CLVS1: variants seen among roughly 807,000 people sequenced by gnomAD.
CLVS1 encodes clavesin 1, also known as clavesin-1.
In CLVS1, 10 loss-of-function variants were observed where a neutral mutation model predicts 33.1. That is an observed-to-expected ratio of 0.30 (90% CI 0.19 to 0.51). The LOEUF (loss-of-function observed/expected upper bound fraction) is 0.51, where lower values mean the gene tolerates loss of function less well. Among genes scored for constraint, CLVS1 ranks in the 20% least tolerant of loss-of-function variants. The pLI is 0.97. For missense variants in CLVS1, 343 were observed against 433.4 expected (o/e 0.79, Z 1.85); for synonymous variants, 163 against 166.1 (o/e 0.98, Z 0.14).
the CLVS1 span, among the ~76,000 whole-genome samples, chr8:61,047,807 G>A: frequency 1.3e-4 from 20 of 152,230 alleles, no homozygotes; most frequent in South Asian, 1.9e-3. Context: ...TGCGGGGAGC[G>A]GGGAGGGATA....
At chr8:61,373,852 T>C (rs531153354) in intron 2 of CLVS1, among the ~76,000 whole-genome samples, 2 of 152,350 alleles carry the variant, frequency 1.3e-5, no homozygotes, top group East Asian at 3.9e-4. Context: ...GCAGTTTATC[T>C]AGGCTGGGTT....
chr8:61,344,573 A>T (rs970252971), intron 2 of CLVS1, among the ~76,000 whole-genome samples: 2 of 152,198 alleles, frequency 1.3e-5, no homozygotes, highest in Non-Finnish European at 2.9e-5. Context: ...ATGACTCTTT[A>T]GCAATCTGCT....
chr8:61,498,578 T>A (rs1804350058), intron 5 of CLVS1, among the ~76,000 whole-genome samples: 1 of 152,226 alleles, frequency 6.6e-6, no homozygotes, highest in Non-Finnish European at 1.5e-5. Context: ...TATTATAAAC[T>A]TCTTAGAAAA....
At chr8:61,130,391 C>T (rs567726753) in intron 1 of CLVS1, among the ~76,000 whole-genome samples, 15 of 152,116 alleles carry the variant, frequency 9.9e-5, no homozygotes, top group Non-Finnish European at 1.9e-4. Context: ...GTGCATACCA[C>T]ATTGACCCAA....
At chr8:60,997,686 C>T in the CLVS1 span, among the ~76,000 whole-genome samples, 24,791 of 152,034 alleles carry the variant, frequency 0.16, 2,275 homozygotes, top group African/African-American at 0.24. Flanking sequence ...TGGTGATGAA[C>T]GAAGCCAGCC....
At chr8:61,197,674 C>A (rs554019793) in intron 2 of CLVS1, among the ~76,000 whole-genome samples, 44 of 152,298 alleles carry the variant, frequency 2.9e-4, no homozygotes, top group Admixed American at 1.4e-3. Context: ...CGCCTGCCCC[C>A]ACACCCCGCT....
rs76457272 is a variant in CLVS1, at chr8:61,234,258, C to T, written c.-151-65419C>T. On this transcript the variant is annotated intron_variant, in intron 2 of 2. Coordinates refer to the CLVS1 transcript ENST00000522621. ...GTCCTTGGCTTGGCTGGACTGTGTGCGTGCGTATTCATGTGAGAGAAACAG... is the reference window on the plus strand; with the variant it reads ...GTCCTTGGCTTGGCTGGACTGTGTGTGTGCGTATTCATGTGAGAGAAACAG... 0.013 allele frequency among the ~76,000 whole-genome samples: 2,029 copies of T among 152,186 alleles called. 88 individuals carry two copies. The East Asian group carries it at 0.15, about 12-fold the overall frequency.
At chr8:61,341,203 AAATG>A (rs1812018076) in intron 2 of CLVS1, among the ~76,000 whole-genome samples, 1 of 152,238 alleles carries the variant, frequency 6.6e-6, no homozygotes. Flanking sequence ...CACCACAACA[AAATG>A]AATCCTGTTT....
At chr8:61,219,719 G>C (rs1040939429) in intron 2 of CLVS1, among the ~76,000 whole-genome samples, 5 of 152,136 alleles carry the variant, frequency 3.3e-5, no homozygotes, top group Middle Eastern at 3.2e-3. Context: ...TTGAGGAATT[G>C]TCATACTGTC....
At chr8:61,207,757 G>A (rs1473110015) in intron 2 of CLVS1, among the ~76,000 whole-genome samples, 3 of 152,110 alleles carry the variant, frequency 2.0e-5, no homozygotes, top group Non-Finnish European at 4.4e-5. Context: ...GTAATTTCAC[G>A]TGGTTCCTGG....
intron 2 of CLVS1, among the ~76,000 whole-genome samples, chr8:61,238,429 A>T (rs73257793): frequency 6.6e-6 from 1 of 150,828 alleles, no homozygotes; most frequent in African/African-American, 2.4e-5. Context: ...TTTTTCCCCC[A>T]CAAAGAGATA....
At chr8:61,298,951 TC>T (rs142037057) in intron 1 of CLVS1, among the ~76,000 whole-genome samples, 1,938 of 151,938 alleles carry the variant, frequency 0.013, 52 homozygotes, top group African/African-American at 0.045. Flanking sequence ...CAACCAAGAG[TC>T]TCAAGTCCCT....
At chr8:60,967,860 A>G in the CLVS1 span, 1 of 343,388 alleles carries the variant, frequency 2.9e-6, no homozygotes, top group South Asian at 2.2e-5. Flanking sequence ...GTGACGTTTT[A>G]AAGTGACAAT....
chr8:61,254,898 C>T (rs1809042458), intron 2 of CLVS1, among the ~76,000 whole-genome samples: 1 of 152,182 alleles, frequency 6.6e-6, no homozygotes, highest in African/African-American at 2.4e-5. Flanking sequence ...CCTCCTTTGG[C>T]TCAGACTTGG....
At chr8:61,010,981 C>A in the CLVS1 span, among the ~76,000 whole-genome samples, 2 of 152,248 alleles carry the variant, frequency 1.3e-5, no homozygotes, top group African/African-American at 2.4e-5. Context: ...TTGGTTCGCA[C>A]CAATTCAGCT....
chr8:61,241,188 A>G (rs1185340736), intron 2 of CLVS1, among the ~76,000 whole-genome samples: 1 of 152,198 alleles, frequency 6.6e-6, no homozygotes. Flanking sequence ...CATTTAGTCT[A>G]TAGCAATATC....
chr8:61,357,334 C>A (rs937845268), intron 2 of CLVS1, among the ~76,000 whole-genome samples: 1 of 151,830 alleles, frequency 6.6e-6, no homozygotes, highest in African/African-American at 2.4e-5. Flanking sequence ...TTAACTGTAC[C>A]TATATTGATG....
intron 2 of CLVS1, among the ~76,000 whole-genome samples, chr8:61,160,824 C>G (rs1017813800): frequency 6.6e-6 from 1 of 152,124 alleles, no homozygotes; most frequent in African/African-American, 2.4e-5. Flanking sequence ...CAACCTTGCC[C>G]CTGTTCTAGC....
the CLVS1 span, among the ~76,000 whole-genome samples, chr8:61,051,228 A>T: frequency 6.6e-6 from 1 of 152,366 alleles, no homozygotes; most frequent in East Asian, 1.9e-4. Context: ...AAGAGCTCTA[A>T]GCTGAGCATC....
Sources: allele counts gnomAD v4.1 joint callset (sites outside exome capture counted in the v4.1 genomes callset), GRCh38; gene constraint gnomAD v4.1.1; transcripts MANE v1.5; gene names NCBI Gene and HGNC (gene_info 2026-07-23, HGNC 2026-07-21).